Variants in TENM4 observed in about 807,000 individuals in gnomAD.
The protein encoded by TENM4 is teneurin transmembrane protein 4, also known as teneurin-4.
In TENM4, 82 loss-of-function variants were observed where a neutral mutation model predicts 243.3. The ratio of observed to expected loss-of-function variants is 0.34; its 90% CI spans 0.28 to 0.40. The LOEUF is 0.40. Ranked by LOEUF, TENM4 falls within the 10% of genes least tolerant of loss-of-function variation. TENM4 has a pLI of 1.00. For missense variants in TENM4, 3,138 were observed against 3,673.3 expected (o/e 0.85, Z 3.77); for synonymous variants, 1,412 against 1,456.3 (o/e 0.97, Z 0.69).
chr11:79,203,643 C>G (rs1057454854), intron 3 of TENM4, among the ~76,000 whole-genome samples: 4 of 152,132 alleles, frequency 2.6e-5, no homozygotes, highest in African/African-American at 9.7e-5. Context: ...GGGATTGATT[C>G]CAGGACCCCC....
chr11:79,212,715 C>T (rs950579690), intron 3 of TENM4, among the ~76,000 whole-genome samples: 2 of 152,116 alleles, frequency 1.3e-5, no homozygotes, highest in African/African-American at 2.4e-5. Context: ...CTCCTCCTAC[C>T]CTGGAAACAT....
intron 2 of TENM4, among the ~76,000 whole-genome samples, chr11:79,247,036 G>C (rs1349562284): frequency 6.8e-5 from 10 of 147,404 alleles, no homozygotes; most frequent in African/African-American, 2.3e-4. Flanking sequence ...AAATGATAAG[G>C]CTTCTCTTCT....
intron 4 of TENM4, among the ~76,000 whole-genome samples, chr11:79,104,795 G>A (rs1861322755): frequency 6.6e-6 from 1 of 152,172 alleles, no homozygotes; most frequent in Non-Finnish European, 1.5e-5. Context: ...TTTCACAGGT[G>A]AGCGATCCTA....
chr11:79,193,309 C>T (rs1863553603), intron 3 of TENM4: 1 of 152,230 alleles, frequency 6.6e-6, no homozygotes, highest in Non-Finnish European at 1.5e-5. Context: ...AGCCGGAACT[C>T]AGGTGTCAGT....
intron 32 of TENM4, among the ~76,000 whole-genome samples, chr11:78,665,623 C>G (rs1858138813): frequency 6.6e-6 from 1 of 152,182 alleles, no homozygotes; most frequent in South Asian, 2.1e-4. Flanking sequence ...GTATTTGAAT[C>G]CAAGAATGAG....
At chr11:78,711,611 G>T (rs1859398359) in intron 26 of TENM4, among the ~76,000 whole-genome samples, 1 of 152,168 alleles carries the variant, frequency 6.6e-6, no homozygotes, top group Admixed American at 6.5e-5. Context: ...CTAGGAGGTA[G>T]ACACGGATGG....
At chr11:79,086,158 C>T (rs961437420) in intron 4 of TENM4, among the ~76,000 whole-genome samples, 7 of 152,214 alleles carry the variant, frequency 4.6e-5, no homozygotes, top group Admixed American at 1.3e-4. Flanking sequence ...GTGGGCCAAG[C>T]GGATATTAGC....
chr11:78,911,628 CA>C (rs1856188426), intron 6 of TENM4, among the ~76,000 whole-genome samples: 1 of 152,168 alleles, frequency 6.6e-6, no homozygotes, highest in Non-Finnish European at 1.5e-5. Context: ...TATGGTGAGA[CA>C]AAACCATCAG....
chr11:79,309,675 G>A (rs922014060), intron 1 of TENM4, among the ~76,000 whole-genome samples: 1 of 152,232 alleles, frequency 6.6e-6, no homozygotes, highest in African/African-American at 2.4e-5. Context: ...TGCAGGCTGT[G>A]AGCCATAGAC....
chr11:79,179,242 T>C (rs925754743), intron 3 of TENM4, among the ~76,000 whole-genome samples: 1 of 152,256 alleles, frequency 6.6e-6, no homozygotes, highest in Admixed American at 6.5e-5. Flanking sequence ...GGGAACTTTG[T>C]ATTTAAAGAG....
chr11:78,688,280 G>T, intron 28 of TENM4, 54 bp from the exon 29 acceptor site: 2 of 1,558,994 alleles, frequency 1.3e-6, no homozygotes, highest in Admixed American at 1.8e-5. Context: ...GCTCTAGCTG[G>T]AACTTGGTGC....
intron 1 of TENM4, among the ~76,000 whole-genome samples, chr11:79,328,492 T>C (rs1243231943): frequency 6.6e-6 from 1 of 152,162 alleles, no homozygotes; most frequent in African/African-American, 2.4e-5. Context: ...TCTATCCTCA[T>C]GCTAAGTGGC....
At chr11:78,881,659 A>T (rs1002750601) in intron 9 of TENM4, among the ~76,000 whole-genome samples, 2 of 152,200 alleles carry the variant, frequency 1.3e-5, no homozygotes, top group Non-Finnish European at 2.9e-5. Flanking sequence ...TGATCAAATG[A>T]CAAACCCCAT....
At chr11:79,390,403 A>G (rs1858207859) in intron 1 of TENM4, among the ~76,000 whole-genome samples, 2 of 152,252 alleles carry the variant, frequency 1.3e-5, no homozygotes, top group Non-Finnish European at 2.9e-5. Context: ...ACTTGGATAT[A>G]GTTCCCTTCC....
At chr11:79,240,798 T>A (rs1460815961) in intron 2 of TENM4, among the ~76,000 whole-genome samples, 2 of 151,940 alleles carry the variant, frequency 1.3e-5, no homozygotes, top group African/African-American at 4.8e-5. Flanking sequence ...TGCATATAAT[T>A]TTTTTTCTTT....
rs373890976 is a variant in TENM4, at chr11:79,099,731, C to T, written c.-65-29722G>A. On this transcript the variant is annotated intron_variant, in intron 4 of 33. Transcript: ENST00000278550. Reference sequence around the variant, plus strand: ...CCAGAGACCTTTTTGTAATCCTCACCACAAGGAACATAAAAGTTGGCCATA... The same window carrying T: ...CCAGAGACCTTTTTGTAATCCTCACTACAAGGAACATAAAAGTTGGCCATA... Among the ~76,000 whole-genome samples the T allele has an allele frequency of 2.9e-4, 44 of 152,242 alleles. 1 individual carries two copies. Among genetic ancestry groups the T allele is most frequent in the African/African-American group, 9.6e-4 (40 of 41,556 alleles).
chr11:79,227,454 T>C (rs1422587862), intron 2 of TENM4, among the ~76,000 whole-genome samples: 1 of 152,232 alleles, frequency 6.6e-6, no homozygotes, highest in Admixed American at 6.5e-5. Context: ...AGAAAGACTC[T>C]GCAGGCAGGA....
At chr11:79,222,379 C>A (rs1225951302) in intron 2 of TENM4, among the ~76,000 whole-genome samples, 1 of 152,232 alleles carries the variant, frequency 6.6e-6, no homozygotes, top group East Asian at 1.9e-4. Context: ...TGTATATGTA[C>A]AACATTTTTT....
chr11:78,787,816 C>T (rs1333345430), intron 15 of TENM4, among the ~76,000 whole-genome samples: 1 of 152,194 alleles, frequency 6.6e-6, no homozygotes, highest in Non-Finnish European at 1.5e-5. Context: ...TGGAGCTGCC[C>T]ACCCTTCACA....
Sources: gnomAD v4.1 joint callset for allele counts (sites outside exome capture counted in the v4.1 genomes callset) on GRCh38, gnomAD v4.1.1 for gene constraint, MANE v1.5 for transcripts, NCBI Gene and HGNC (gene_info 2026-07-23, HGNC 2026-07-21) for gene names.